The following POU3F3 variants were observed in gnomAD, a reference collection of about 807,000 sequenced individuals.
POU3F3 encodes the protein POU domain, class 3, transcription factor 3.
Under a neutral mutation model 8.6 loss-of-function variants are expected in POU3F3, and 1 was observed. That is an observed-to-expected ratio of 0.12 (90% CI 0.04 to 0.55). The LOEUF is 0.55. Ranked by LOEUF, POU3F3 falls within the 20% of genes least tolerant of loss-of-function variation. The pLI, the probability that POU3F3 is intolerant of heterozygous loss-of-function variation, is 0.91. For synonymous variants in POU3F3, 418 were observed against 327.4 expected, an observed-to-expected ratio of 1.28 and a Z score of -2.99; for missense variants, 577 against 690.7, an observed-to-expected ratio of 0.84 and a Z score of 1.84.
At chr2:104,863,168 T>C, downstream of POU3F3, among the ~76,000 whole-genome samples, 1 of 125,312 alleles carries the variant, frequency 8.0e-6, no homozygotes, top group East Asian at 2.1e-4. Flanking sequence ...CAATTATTAT[T>C]ATTATTATTA....
chr2:104,925,882 TAGTC>T, the POU3F3 span: 286 of 152,310 alleles, frequency 1.9e-3, 3 homozygotes, highest in African/African-American at 6.4e-3. Flanking sequence ...ACGAGTGTCT[TAGTC>T]AGTTCATGTT....
chr2:104,854,186 G>A lies in POU3F3; in HGVS notation c.-1325G>A, dbSNP rs866219093. Among the ~76,000 whole-genome samples the A allele has an allele frequency of 1.3e-5, 2 of 152,168 alleles. No homozygotes were observed. The highest frequency in any genetic ancestry group is 2.9e-5 in the Non-Finnish European group (2 of 68,030). ...CAGATCGGAGCGAGAGCGGGCGCCC[G>A]AGAGAGGGAGAGAGAGAGAGGGAGG... On this transcript the variant is annotated 5_prime_UTR_variant, in exon 1 of 1. Transcript: ENST00000361360. The surrounding 1 kb of genome is among the most constrained non-coding windows in gnomAD (Gnocchi z 4.5).
At chr2:104,914,670 A>G in the POU3F3 span, among the ~76,000 whole-genome samples, 2 of 152,184 alleles carry the variant, frequency 1.3e-5, no homozygotes, top group African/African-American at 4.8e-5. Flanking sequence ...GCTGACTCAG[A>G]ACCAGACGGC....
In POU3F3 at chr2:104,855,008, G is replaced by C. The variant is rs889878224; in HGVS notation, c.-503G>C. Reference sequence around the variant, plus strand: ...AGCCCCGCGACCGGGCAGAGTCCGGGCTCGCCCGAGGACAGGAGGAGGAGC... The same window carrying C: ...AGCCCCGCGACCGGGCAGAGTCCGGCCTCGCCCGAGGACAGGAGGAGGAGC... On this transcript the variant is annotated 5_prime_UTR_variant, in exon 1 of 1. Transcript: ENST00000361360. Among the ~76,000 whole-genome samples the C allele has an allele frequency of 6.6e-6, 1 of 152,158 alleles. No individual in the cohort carries two copies. The highest frequency in any genetic ancestry group is 1.5e-5 in the Non-Finnish European group (1 of 68,016).
chr2:104,873,058 G>A, the POU3F3 span, among the ~76,000 whole-genome samples: 1 of 152,174 alleles, frequency 6.6e-6, no homozygotes, highest in African/African-American at 2.4e-5. Flanking sequence ...CTTTGTTTCT[G>A]GAAACACGCC....
At chr2:104,914,524 A>G in the POU3F3 span, among the ~76,000 whole-genome samples, 1 of 152,084 alleles carries the variant, frequency 6.6e-6, no homozygotes, top group Non-Finnish European at 1.5e-5. Flanking sequence ...CCCAACCAGA[A>G]CCCTCTTGGA....
the POU3F3 span, among the ~76,000 whole-genome samples, chr2:104,873,597 C>G: frequency 6.6e-6 from 1 of 152,200 alleles, no homozygotes; most frequent in Non-Finnish European, 1.5e-5. Context: ...AGCACTTTCA[C>G]AAGTGGTTAG....
the POU3F3 span, among the ~76,000 whole-genome samples, chr2:104,888,232 A>G: frequency 6.6e-6 from 1 of 152,236 alleles, no homozygotes. Flanking sequence ...TGTGGGGCAA[A>G]CATTAGATAC....
chr2:104,907,582 C>T, the POU3F3 span, among the ~76,000 whole-genome samples: 2 of 152,130 alleles, frequency 1.3e-5, no homozygotes, highest in Non-Finnish European at 2.9e-5. Context: ...TTTCTCCTGT[C>T]TTATATTTGC....
At chr2:104,872,372 C>G in the POU3F3 span, 25 of 456,236 alleles carry the variant, frequency 5.5e-5, no homozygotes, top group Non-Finnish European at 3.1e-5. The surrounding 1 kb of genome is among the most constrained non-coding windows in gnomAD (Gnocchi z 4.6). Context: ...CTCTGGAGCC[C>G]GCTTCTTGCA....
chr2:104,877,948 G>A, the POU3F3 span, among the ~76,000 whole-genome samples: 5 of 152,116 alleles, frequency 3.3e-5, no homozygotes, highest in African/African-American at 9.7e-5. Context: ...GAGCCACCAC[G>A]CCCAGCCACT....
the POU3F3 span, among the ~76,000 whole-genome samples, chr2:104,879,732 T>TCTC: frequency 6.6e-6 from 1 of 152,076 alleles, no homozygotes; most frequent in African/African-American, 2.4e-5. Context: ...CAGGAGCAGA[T>TCTC]CTCCTGTTCC....
chr2:104,908,160 T>G, the POU3F3 span, among the ~76,000 whole-genome samples: 1 of 152,224 alleles, frequency 6.6e-6, no homozygotes, highest in Non-Finnish European at 1.5e-5. Context: ...GTCCATTTGG[T>G]CTTTTTAAAG....
chr2:104,864,753 T>C, the POU3F3 span, among the ~76,000 whole-genome samples: 1 of 152,240 alleles, frequency 6.6e-6, no homozygotes, highest in Non-Finnish European at 1.5e-5. Flanking sequence ...AAGGGAGAAG[T>C]GTCCAGCCAA....
At chr2:104,922,530 A>G in the POU3F3 span, among the ~76,000 whole-genome samples, 2 of 152,174 alleles carry the variant, frequency 1.3e-5, no homozygotes, top group Admixed American at 6.5e-5. Context: ...TGAAAAATTT[A>G]CTAGAGGAAT....
chr2:104,879,135 T>C, the POU3F3 span, among the ~76,000 whole-genome samples: 1 of 151,866 alleles, frequency 6.6e-6, no homozygotes, highest in African/African-American at 2.4e-5. Context: ...AGTACACACG[T>C]AATCTTCAGT....
At chr2:104,865,127 T>A in the POU3F3 span, among the ~76,000 whole-genome samples, 3 of 152,254 alleles carry the variant, frequency 2.0e-5, no homozygotes, top group African/African-American at 7.2e-5. Context: ...AGGTGATGAC[T>A]TCCTAGTCAC....
the POU3F3 span, among the ~76,000 whole-genome samples, chr2:104,869,211 G>A: frequency 6.9e-3 from 1,055 of 152,340 alleles, 10 homozygotes; most frequent in African/African-American, 0.024. Context: ...AAAGTTTAAA[G>A]CTGTAATATT....
chr2:104,862,682 G>T (rs369418941), downstream of POU3F3, among the ~76,000 whole-genome samples: 4 of 152,308 alleles, frequency 2.6e-5, no homozygotes, highest in African/African-American at 9.6e-5. Context: ...TCCTCGTGGC[G>T]ACCATTCAGC....
Sources: allele counts gnomAD v4.1 joint callset (sites outside exome capture counted in the v4.1 genomes callset), GRCh38; gene constraint gnomAD v4.1.1; non-coding constraint Gnocchi (gnomAD v3.1); transcripts MANE v1.5; gene names NCBI Gene and HGNC (gene_info 2026-07-23, HGNC 2026-07-21).